Variants in B9D1 observed in about 807,000 individuals in gnomAD.
B9D1 encodes B9 domain-containing protein 1.
A neutral mutation model predicts 26.1 loss-of-function variants in B9D1; 20 were observed. That is an observed-to-expected ratio of 0.77 (90% CI 0.54 to 1.12). B9D1 has a LOEUF of 1.12. B9D1 is among the 50% of genes most tolerant of loss of function. B9D1 has a pLI of 0.00. For missense variants in B9D1, 260 were observed against 273.7 expected, an observed-to-expected ratio of 0.95 and a Z score of 0.35; for synonymous variants, 105 against 103.1, an observed-to-expected ratio of 1.02 and a Z score of -0.11.
chr17:19,337,849 G>A (rs549484457), downstream of B9D1: 14 of 740,344 alleles, frequency 1.9e-5, no homozygotes, highest in African/African-American at 1.2e-4. Flanking sequence ...TTAGGCCCTC[G>A]GCCCCCATCC....
intron 1 of B9D1, among the ~76,000 whole-genome samples, chr17:19,375,482 G>GT (rs774617815): frequency 6.6e-6 from 1 of 150,474 alleles, no homozygotes; most frequent in Non-Finnish European, 1.5e-5. Context: ...ATAAGGCTGG[G>GT]TACTGTGGCT....
chr17:19,337,444 T>C, downstream of B9D1: 1 of 391,334 alleles, frequency 2.6e-6, no homozygotes, highest in Non-Finnish European at 4.7e-6. Context: ...GAGGGAGGTC[T>C]GGGACTGCCC....
rs909438881 is a variant in B9D1, at chr17:19,347,479, G to A, written c.342-148C>T. ...AACGAATCCAACCTGTGCTAACTGA[G>A]CACCCCCTGTGTCTGGGCAAGGTGC... is the stretch of plus-strand genomic sequence containing the variant. On this transcript the variant is annotated intron_variant, in intron 4 of 6. Coordinates refer to ENST00000261499, the MANE Select transcript of B9D1 (RefSeq NM_015681.6). The surrounding 1 kb of genome is among the most constrained non-coding windows in gnomAD (Gnocchi z 4.3). The A allele has an allele frequency of 2.0e-6, 2 of 995,426 alleles. No homozygotes were observed. The allele number at this position is 995,426 out of a possible 1,614,324, so 61.7% of individuals were successfully genotyped here.
At chr17:19,369,162 A>G (rs971622526) in intron 1 of B9D1, among the ~76,000 whole-genome samples, 1 of 152,232 alleles carries the variant, frequency 6.6e-6, no homozygotes. Context: ...ATGGTAGACA[A>G]GCAATTCTCC....
chr17:19,347,677 C>T lies in B9D1; in HGVS notation c.341+107G>A. Reference sequence around the variant, plus strand: ...GGCCACCAGGCTGAGCTGCCCAGGCCCCTGGAGACCCCAGAGCATTCCCAG... The same window carrying T: ...GGCCACCAGGCTGAGCTGCCCAGGCTCCTGGAGACCCCAGAGCATTCCCAG... On this transcript the variant is annotated intron_variant, in intron 4 of 6. Coordinates refer to ENST00000261499, the MANE Select transcript of B9D1 (RefSeq NM_015681.6). This position sits in a 1 kb window ranked among gnomAD's most constrained non-coding sequence, Gnocchi z 4.3. 1 of 1,137,896 alleles carries T rather than the reference C, an allele frequency of 8.8e-7. No homozygotes were observed. Among genetic ancestry groups the T allele is most frequent in the Non-Finnish European group, 1.3e-6 (1 of 774,256 alleles). The allele number at this position is 1,137,896 out of a possible 1,614,324, so 70.5% of individuals were successfully genotyped here. A position where few individuals can be genotyped will look rare whatever the true frequency, so the allele number is the denominator to read the frequency against.
chr17:19,361,074 G>A (rs547502349), intron 1 of B9D1, among the ~76,000 whole-genome samples: 1 of 151,984 alleles, frequency 6.6e-6, no homozygotes, highest in Non-Finnish European at 1.5e-5. Context: ...CTGCACATGT[G>A]GGGGATCTAG....
At chr17:19,335,338 G>T, downstream of B9D1, 1 of 1,489,048 alleles carries the variant, frequency 6.7e-7, no homozygotes, top group Non-Finnish European at 9.1e-7. Flanking sequence ...GAAAGTTAAA[G>T]AAAAAAATCT....
intron 1 of B9D1, among the ~76,000 whole-genome samples, chr17:19,376,435 C>CT (rs1219350664): frequency 6.6e-6 from 1 of 151,924 alleles, no homozygotes; most frequent in East Asian, 1.9e-4. Flanking sequence ...TTTGTCTATT[C>CT]TCTCTATAGC....
In B9D1 at chr17:19,347,086, T is replaced by C; in HGVS notation, c.404+183A>G. 6.4e-7 allele frequency: 1 copy of C among 1,557,906 alleles called. No individual in the cohort carries two copies. Among genetic ancestry groups the C allele is most frequent in the Non-Finnish European group, 8.7e-7 (1 of 1,150,730 alleles). ...GTAAAATCGCCCGGCCTTCTGCTGC[T>C]GGAACAGGGCTGAAGGGAGCCCCGT... On this transcript the variant is annotated intron_variant, in intron 5 of 6. Transcript: ENST00000261499. This position sits in a 1 kb window ranked among gnomAD's most constrained non-coding sequence, Gnocchi z 4.3.
intron 3 of B9D1, among the ~76,000 whole-genome samples, chr17:19,355,175 TCTG>T (rs1373992371): frequency 1.3e-5 from 2 of 152,210 alleles, no homozygotes; most frequent in Non-Finnish European, 2.9e-5. Flanking sequence ...CTGTGTTTAA[TCTG>T]CTGAATTCCT....
At chr17:19,341,147 T>C (rs373209178), downstream of B9D1, 16 of 1,229,664 alleles carry the variant, frequency 1.3e-5, no homozygotes, top group Non-Finnish European at 1.6e-5. Context: ...CAGAAGAGGG[T>C]GACTTAGTAT....
downstream of B9D1, chr17:19,335,675 A>G: frequency 2.5e-6 from 1 of 406,838 alleles, no homozygotes; most frequent in Non-Finnish European, 4.3e-6. Context: ...AACTCCAGAT[A>G]TTATTTTTAA....
chr17:19,362,762 G>A (rs758766892), upstream of B9D1: 91 of 1,453,266 alleles, frequency 6.3e-5, no homozygotes, highest in Non-Finnish European at 1.2e-5. Flanking sequence ...AGGGGGCGGG[G>A]CACAAGGGGC....
rs1171969397 is a variant in B9D1, at chr17:19,347,756, C to T, written c.341+28G>A. 21 of 1,605,772 alleles carry T rather than the reference C, an allele frequency of 1.3e-5. No individual in the cohort carries two copies. In the South Asian group the frequency reaches 1.8e-4, roughly 13 times the overall value. Reference sequence around the variant, plus strand: ...AGTCTGTCCTAGGACAAGTCCTGCCCAGGGCCCAGGTCAGAATGAGGACCT... The same window carrying T: ...AGTCTGTCCTAGGACAAGTCCTGCCTAGGGCCCAGGTCAGAATGAGGACCT... On this transcript the variant is annotated intron_variant, in intron 4 of 6. Coordinates refer to ENST00000261499, the MANE Select transcript of B9D1 (RefSeq NM_015681.6). The surrounding 1 kb of genome is among the most constrained non-coding windows in gnomAD (Gnocchi z 4.3).
chr17:19,343,322 C>A lies in B9D1; in HGVS notation c.612G>T (p.Gln204His), dbSNP rs772797594. 4 of 1,614,184 alleles carry A rather than the reference C, an allele frequency of 2.5e-6. No individual in the cohort carries two copies. Among genetic ancestry groups the A allele is most frequent in the Non-Finnish European group, 3.4e-6 (4 of 1,180,022 alleles). The change falls in exon 7 of 7, where the codon CAG becomes CAT. Residue 204 changes from glutamine to histidine, a missense_variant. Transcript: ENST00000261499. Reference protein sequence around the residue: ...LGPSPPQSFPQ With the variant: ...LGPSPPQSFPH ...GACTGTGCAGCCTGTGGAGCCTTCA[C>A]TGGGGGAAGCTCTGGGGTGGGCTGG...
chr17:19,376,690 C>T (rs1179002270), intron 1 of B9D1, among the ~76,000 whole-genome samples: 2 of 141,076 alleles, frequency 1.4e-5, no homozygotes, highest in East Asian at 4.4e-4. Context: ...CCCAGCTATT[C>T]GGGAGGCTGA....
Position 19,343,434 on chromosome 17 carries a change from A to G in B9D1, c.500T>C (p.Val167Ala). The change falls in exon 7 of 7, where the codon GTC becomes GCC. Residue 167 changes from valine (V) to alanine (A), a missense_variant. Physicochemically the swap from Val to Ala is moderately conservative, Grantham distance 64. Coordinates refer to ENST00000261499, the MANE Select transcript of B9D1 (RefSeq NM_015681.6). Reference protein sequence around the residue: ...EVTRVRSQGFVTLLFNVVTKD... With the variant: ...EVTRVRSQGFATLLFNVVTKD... ...GGTCACCACGTTGAAGAGGAGGGTG[A>G]CAAAGCCCTGAGAACGGACACGGGT... is the stretch of plus-strand genomic sequence containing the variant. The G allele has an allele frequency of 6.2e-7, 1 of 1,614,192 alleles. No individual in the cohort carries two copies. Among genetic ancestry groups the G allele is most frequent in the South Asian group, 1.1e-5 (1 of 91,088 alleles).
intron 1 of B9D1, among the ~76,000 whole-genome samples, chr17:19,373,532 T>C (rs1301771924): frequency 1.3e-5 from 2 of 151,956 alleles, no homozygotes; most frequent in Non-Finnish European, 2.9e-5. Flanking sequence ...GCTGGGATTA[T>C]AGGCGCCTGC....
intron 1 of B9D1, among the ~76,000 whole-genome samples, chr17:19,368,980 G>C (rs1911741892): frequency 6.6e-6 from 1 of 152,146 alleles, no homozygotes; most frequent in South Asian, 2.1e-4. Context: ...GGATGTTACT[G>C]AGTATAAGCA....
Sources: gnomAD v4.1 joint callset for allele counts (sites outside exome capture counted in the v4.1 genomes callset) on GRCh38, gnomAD v4.1.1 for gene constraint, Gnocchi (gnomAD v3.1) non-coding constraint, MANE v1.5 for transcripts, NCBI Gene and HGNC (gene_info 2026-07-23, HGNC 2026-07-21) for gene names.